ZNF362: variants seen among roughly 807,000 people sequenced by gnomAD.
The protein encoded by ZNF362 is zinc finger protein 362, also known as rotund homolog.
ZNF362 carries 11 observed loss-of-function variants against 42.9 expected under a neutral mutation model. The ratio of observed to expected loss-of-function variants is 0.26; its 90% CI spans 0.16 to 0.42. ZNF362 has a LOEUF of 0.42. ZNF362 is among the 20% of genes least tolerant of loss of function. ZNF362 has a pLI of 1.00. For synonymous variants in ZNF362, 255 were observed against 257.3 expected, an observed-to-expected ratio of 0.99 and a Z score of 0.09; for missense variants, 362 against 576.2, an observed-to-expected ratio of 0.63 and a Z score of 3.81.
chr1:33,288,276 AGGGCT>A (rs2148124993), intron 6 of ZNF362, among the ~76,000 whole-genome samples: 1 of 152,320 alleles, frequency 6.6e-6, no homozygotes, highest in South Asian at 2.1e-4. Context: ...GAAAGAAGGA[AGGGCT>A]GGGGCATCAG....
At chr1:33,202,751 A>T in the ZNF362 span, among the ~76,000 whole-genome samples, 1 of 152,164 alleles carries the variant, frequency 6.6e-6, no homozygotes, top group Admixed American at 6.5e-5. Context: ...TGCAGAAAAA[A>T]AATTTATAAA....
At chr1:33,145,847 C>T in the ZNF362 span, 4 of 471,062 alleles carry the variant, frequency 8.5e-6, no homozygotes, top group Middle Eastern at 3.2e-4. Flanking sequence ...CTCCACCCAC[C>T]CTAACTTCCT....
chr1:33,202,322 CG>C, the ZNF362 span, among the ~76,000 whole-genome samples: 1 of 152,116 alleles, frequency 6.6e-6, no homozygotes, highest in Non-Finnish European at 1.5e-5. Flanking sequence ...TCAGGCCGGG[CG>C]TGGTGGCTCA....
chr1:33,129,657 T>A, the ZNF362 span, among the ~76,000 whole-genome samples: 92 of 152,220 alleles, frequency 6.0e-4, no homozygotes, highest in Admixed American at 9.2e-4. This position sits in a 1 kb window ranked among gnomAD's most constrained non-coding sequence, Gnocchi z 4.1. Flanking sequence ...AACCTGCTCC[T>A]TCCCTTCTCG....
Position 33,294,967 on chromosome 1 carries a change from C to T in ZNF362, c.939C>T (p.Cys313=). Reference sequence around the variant, plus strand: ...ACACAGGCGACAGACCCTACAAGTGCCCACATCCTGGCTGCGAGAAGGCTT... The same window carrying T: ...ACACAGGCGACAGACCCTACAAGTGTCCACATCCTGGCTGCGAGAAGGCTT... The part of the protein sequence containing the change: ...RIHTGDRPYK[C]PHPGCEKAFT... The change falls in exon 7 of 9, where the codon TGC becomes TGT. Residue 313 remains cysteine (C), a synonymous_variant. Coordinates refer to ENST00000539719, the MANE Select transcript of ZNF362 (RefSeq NM_152493.3). The surrounding 1 kb of genome is among the most constrained non-coding windows in gnomAD (Gnocchi z 4.2). The T allele has an allele frequency of 1.2e-6, 2 of 1,614,144 alleles. No individual in the cohort carries two copies. The highest frequency in any genetic ancestry group is 2.2e-5 in the South Asian group (2 of 91,080).
At chr1:33,169,983 T>G in the ZNF362 span, among the ~76,000 whole-genome samples, 1 of 152,202 alleles carries the variant, frequency 6.6e-6, no homozygotes, top group Non-Finnish European at 1.5e-5. Flanking sequence ...CCCACACTTG[T>G]ACCCTGATGG....
At chr1:33,236,550 A>AAAAAAAAGTATATATAT in the ZNF362 span, among the ~76,000 whole-genome samples, 1 of 5,970 alleles carries the variant, frequency 1.7e-4, no homozygotes, top group Non-Finnish European at 3.7e-4. Context: ...AAAAAAAAAA[A>AAAAAAAAGTATATATAT]ATATATATAT....
the ZNF362 span, chr1:33,159,780 G>A: frequency 6.2e-7 from 1 of 1,613,810 alleles, no homozygotes; most frequent in Non-Finnish European, 8.5e-7. The surrounding 1 kb of genome is among the most constrained non-coding windows in gnomAD (Gnocchi z 4.2). Context: ...CCTGGACCTT[G>A]CGCAGCTGCT....
At chr1:33,277,620 G>A (rs549247041) in intron 4 of ZNF362, among the ~76,000 whole-genome samples, 1 of 152,310 alleles carries the variant, frequency 6.6e-6, no homozygotes, top group South Asian at 2.1e-4. Flanking sequence ...CCTGGGCAAT[G>A]CCGTGGTAGT....
At chr1:33,282,803 CAA>C (rs1175018668) in intron 6 of ZNF362, among the ~76,000 whole-genome samples, 1 of 137,730 alleles carries the variant, frequency 7.3e-6, no homozygotes, top group African/African-American at 2.7e-5. Flanking sequence ...GCCTGGATGA[CAA>C]GAGTGAAACT....
the ZNF362 span, among the ~76,000 whole-genome samples, chr1:33,250,878 A>AAGAAGAAGAAGAAGAAGT: frequency 6.6e-6 from 1 of 151,804 alleles, no homozygotes; most frequent in Non-Finnish European, 1.5e-5. Context: ...GAAGAAGAAG[A>AAGAAGAAGAAGAAGAAGT]AGAAGAAGAA....
At chr1:33,162,813 C>G in the ZNF362 span, 1 of 152,292 alleles carries the variant, frequency 6.6e-6, no homozygotes, top group African/African-American at 2.4e-5. Flanking sequence ...ACTACAAAGC[C>G]ATAGCTCTTG....
the ZNF362 span, among the ~76,000 whole-genome samples, chr1:33,198,930 G>A: frequency 6.6e-6 from 1 of 152,128 alleles, no homozygotes; most frequent in Non-Finnish European, 1.5e-5. Flanking sequence ...TTTTGACACT[G>A]CAGAAGAACA....
the ZNF362 span, among the ~76,000 whole-genome samples, chr1:33,162,561 A>G: frequency 1.3e-5 from 2 of 152,194 alleles, no homozygotes; most frequent in African/African-American, 4.8e-5. Context: ...AAGGCTGGCA[A>G]TCAGGAGTTG....
At chr1:33,285,433 T>C (rs191101526) in intron 6 of ZNF362, among the ~76,000 whole-genome samples, 1 of 152,072 alleles carries the variant, frequency 6.6e-6, no homozygotes, top group Admixed American at 6.5e-5. Context: ...AAAAAAATGT[T>C]ATTGGCAGCA....
chr1:33,195,559 C>T, the ZNF362 span: 1 of 152,210 alleles, frequency 6.6e-6, no homozygotes, highest in African/African-American at 2.4e-5. Context: ...TGCTCCTAGG[C>T]TCCTGTACAG....
chr1:33,239,924 A>T, the ZNF362 span, among the ~76,000 whole-genome samples: 1 of 152,220 alleles, frequency 6.6e-6, no homozygotes, highest in African/African-American at 2.4e-5. Context: ...ACAGACTATC[A>T]CCCATTGAAA....
the ZNF362 span, among the ~76,000 whole-genome samples, chr1:33,231,826 C>G: frequency 4.6e-5 from 7 of 152,264 alleles, no homozygotes; most frequent in East Asian, 9.6e-4. Flanking sequence ...CTCCCTCAGC[C>G]CTACTAAGGC....
chr1:33,214,725 T>C, the ZNF362 span, among the ~76,000 whole-genome samples: 57 of 152,228 alleles, frequency 3.7e-4, no homozygotes, highest in East Asian at 8.9e-3. Flanking sequence ...CTACAAATGA[T>C]TGATAGGTGT....
Sources: allele counts gnomAD v4.1 joint callset (sites outside exome capture counted in the v4.1 genomes callset), GRCh38; gene constraint gnomAD v4.1.1; non-coding constraint Gnocchi (gnomAD v3.1); transcripts MANE v1.5; gene names NCBI Gene and HGNC (gene_info 2026-07-23, HGNC 2026-07-21).